CDC42SE2: variants seen among roughly 807,000 people sequenced by gnomAD.
CDC42SE2 encodes the protein CDC42 small effector 2, also known as CDC42 small effector protein 2.
CDC42SE2 carries 3 observed loss-of-function variants against 11.5 expected under a neutral mutation model. The observed-to-expected ratio is 0.26, with a 90% CI of 0.12 to 0.67. The LOEUF (loss-of-function observed/expected upper bound fraction) is 0.67, where lower values mean the gene tolerates loss of function less well. CDC42SE2 is among the 30% of genes least tolerant of loss of function. CDC42SE2 has a pLI of 0.80. For missense variants in CDC42SE2, 82 were observed against 106.8 expected (o/e 0.77, Z 1.02); for synonymous variants, 33 against 34.8 (o/e 0.95, Z 0.18).
rs138254903 is a variant in CDC42SE2 at position 131,379,914 on chromosome 5, ATTC to A, written c.55-5626_55-5624del. On this transcript the variant is annotated intron_variant, in intron 3 of 4. Transcript: ENST00000505065. Reference sequence around the variant, plus strand: ...GAATTCCCCTTGTTTGCCCATGACTATTCTTTTTTTTTCTTTTGAAACAGAGTC... The same window carrying A: ...GAATTCCCCTTGTTTGCCCATGACTATTTTTTTTTCTTTTGAAACAGAGTC... Among the ~76,000 whole-genome samples the A allele has an allele frequency of 3.3e-3, 495 of 151,824 alleles. 4 individuals carry two copies. The highest frequency in any genetic ancestry group is 5.8e-3 in the Non-Finnish European group (394 of 67,904).
In CDC42SE2 at chr5:131,393,756, T is replaced by C. The variant is rs1176270243; in HGVS notation, c.*2665T>C. 1.3e-5 allele frequency: 2 copies of C among 152,248 alleles called. No homozygotes were observed. Among genetic ancestry groups the C allele is most frequent in the African/African-American group, 4.8e-5 (2 of 41,436 alleles). 9.4% of individuals were successfully genotyped at this position (152,248 alleles called of 1,614,324 possible). On this transcript the variant is annotated 3_prime_UTR_variant, in exon 5 of 5. Coordinates refer to ENST00000505065, the MANE Select transcript of CDC42SE2 (RefSeq NM_001375635.1). ...ACTTGTCATATAACTCCTGGAACAA[T>C]AGTACGGGAAGCCGTGATCCTTTTC... is the stretch of plus-strand genomic sequence containing the variant.
intron 2 of CDC42SE2, among the ~76,000 whole-genome samples, chr5:131,353,839 G>A (rs1394647645): frequency 6.6e-6 from 1 of 152,190 alleles, no homozygotes; most frequent in South Asian, 2.1e-4. Flanking sequence ...TTGAACCTGG[G>A]AGGCTGAAGT....
chr5:131,359,701 A>G, intron 3 of CDC42SE2, 154 bp downstream of exon 3: 1 of 674,464 alleles, frequency 1.5e-6, no homozygotes, highest in Non-Finnish European at 2.7e-6. Context: ...ATATGTTTAA[A>G]AAGAAATAAT....
chr5:131,267,055 AT>A (rs71000983), intron 1 of CDC42SE2, among the ~76,000 whole-genome samples: 92,717 of 113,676 alleles, frequency 0.82, 37,226 homozygotes, highest in East Asian at 0.96. Flanking sequence ...AGAACTCATA[AT>A]TTTTTTTTTT....
intron 1 of CDC42SE2, among the ~76,000 whole-genome samples, chr5:131,312,202 T>C (rs1395787912): frequency 1.3e-5 from 2 of 151,764 alleles, no homozygotes; most frequent in Non-Finnish European, 2.9e-5. Context: ...AGTACCTTGC[T>C]GTGTGAGGTG....
upstream of CDC42SE2, among the ~76,000 whole-genome samples, chr5:131,242,335 G>A (rs985631398): frequency 6.6e-5 from 10 of 152,102 alleles, no homozygotes; most frequent in South Asian, 2.1e-4. Context: ...GAACAAAAGC[G>A]AGTCCTTTCA....
At chr5:131,355,405 A>G (rs917276551) in intron 2 of CDC42SE2, among the ~76,000 whole-genome samples, 54 of 151,884 alleles carry the variant, frequency 3.6e-4, no homozygotes, top group African/African-American at 1.2e-3. Flanking sequence ...TGAACCCGAG[A>G]GGTCAAGGCT....
chr5:131,280,279 G>T (rs1757211385), intron 1 of CDC42SE2, among the ~76,000 whole-genome samples: 1 of 152,096 alleles, frequency 6.6e-6, no homozygotes, highest in African/African-American at 2.4e-5. Context: ...ACAAGCTAAG[G>T]AAAAAGTTTT....
At chr5:131,379,752 T>C (rs1429828515) in intron 3 of CDC42SE2, among the ~76,000 whole-genome samples, 1 of 152,160 alleles carries the variant, frequency 6.6e-6, no homozygotes, top group Non-Finnish European at 1.5e-5. Flanking sequence ...ATTATTCAGA[T>C]GGTTGACGGT....
At chr5:131,359,708 T>C (rs911256198) in intron 3 of CDC42SE2, 161 bp downstream of exon 3, 34 of 652,840 alleles carry the variant, frequency 5.2e-5, no homozygotes, top group Non-Finnish European at 7.4e-5. Context: ...TAAAAAGAAA[T>C]AATGTTTTTA....
chr5:131,332,910 C>G (rs192777946), intron 2 of CDC42SE2, among the ~76,000 whole-genome samples: 5,257 of 152,200 alleles, frequency 0.035, 309 homozygotes, highest in African/African-American at 0.12. Context: ...TTCTCCCATT[C>G]TGTAGGTTGC....
chr5:131,212,809 T>C, the CDC42SE2 span, among the ~76,000 whole-genome samples: 1 of 152,156 alleles, frequency 6.6e-6, no homozygotes, highest in Non-Finnish European at 1.5e-5. Context: ...GGAGGTCAGA[T>C]TGAAGGAAGA....
chr5:131,270,146 G>T (rs1004189102), intron 1 of CDC42SE2, among the ~76,000 whole-genome samples: 1 of 151,478 alleles, frequency 6.6e-6, no homozygotes, highest in Non-Finnish European at 1.5e-5. Flanking sequence ...AGGCTGAGGC[G>T]GGCAGATCAT....
intron 1 of CDC42SE2, among the ~76,000 whole-genome samples, chr5:131,251,683 T>C (rs1756639171): frequency 6.6e-6 from 1 of 152,182 alleles, no homozygotes; most frequent in African/African-American, 2.4e-5. Context: ...TCTAAGGAGA[T>C]AACTCCAGCT....
intron 1 of CDC42SE2, among the ~76,000 whole-genome samples, chr5:131,270,919 C>T (rs770952110): frequency 3.3e-5 from 5 of 151,142 alleles, no homozygotes; most frequent in African/African-American, 7.3e-5. Flanking sequence ...CAGGATGCAG[C>T]TTAGGATTAC....
At chr5:131,361,188 A>G (rs1417768990) in intron 3 of CDC42SE2, among the ~76,000 whole-genome samples, 1 of 151,768 alleles carries the variant, frequency 6.6e-6, no homozygotes, top group Non-Finnish European at 1.5e-5. Context: ...TATATAATAA[A>G]GGGTATATAA....
At chr5:131,240,436 C>T in the CDC42SE2 span, among the ~76,000 whole-genome samples, 1 of 152,160 alleles carries the variant, frequency 6.6e-6, no homozygotes, top group East Asian at 1.9e-4. Flanking sequence ...CCAAACATAA[C>T]TCTTAGCCTT....
intron 2 of CDC42SE2, among the ~76,000 whole-genome samples, chr5:131,341,154 A>G (rs1758703262): frequency 6.6e-6 from 1 of 152,214 alleles, no homozygotes. Flanking sequence ...TATAGGTACT[A>G]TTATTTTCCT....
At position 131,377,119 on chromosome 5, in the gene CDC42SE2, G is replaced by A. The variant is rs551749408; in HGVS notation, c.55-8424G>A. Among the ~76,000 whole-genome samples, 6 of 151,504 alleles carry A rather than the reference G, an allele frequency of 4.0e-5. No individual in the cohort carries two copies. In the East Asian group the frequency reaches 7.8e-4, roughly 20 times the overall value. On this transcript the variant is annotated intron_variant, in intron 3 of 4. Coordinates refer to ENST00000505065, the MANE Select transcript of CDC42SE2 (RefSeq NM_001375635.1). ...TTACATTCCCACCAGCAGTATATAA[G>A]TGTTCCCTTTTCTCTGCAGCCTCAC...
Sources: allele counts gnomAD v4.1 joint callset (sites outside exome capture counted in the v4.1 genomes callset), GRCh38; gene constraint gnomAD v4.1.1; transcripts MANE v1.5; gene names NCBI Gene and HGNC (gene_info 2026-07-23, HGNC 2026-07-21).